The following SLFN12L variants were observed in gnomAD, a reference collection of about 807,000 sequenced individuals.
The protein encoded by SLFN12L is schlafen family member 12-like.
In SLFN12L, 34 loss-of-function variants were observed where a neutral mutation model predicts 34.8. The ratio of observed to expected loss-of-function variants is 0.98; its 90% CI spans 0.74 to 1.30. The LOEUF is 1.30. Ranked by LOEUF, SLFN12L falls within the 50% of genes most tolerant of loss-of-function variation. The pLI, the probability that SLFN12L is intolerant of heterozygous loss-of-function variation, is 0.00. For synonymous variants in SLFN12L, 259 were observed against 247.5 expected, an observed-to-expected ratio of 1.05 and a Z score of -0.44; for missense variants, 703 against 696.2, an observed-to-expected ratio of 1.01 and a Z score of -0.11.
At chr17:35,495,850 A>G (rs1385217676) in intron 2 of SLFN12L, among the ~76,000 whole-genome samples, 1 of 151,470 alleles carries the variant, frequency 6.6e-6, no homozygotes, top group Non-Finnish European at 1.5e-5. Flanking sequence ...ATGAGGGCAG[A>G]ATCTGAAGCG....
rs57141959 is a variant in SLFN12L, at chr17:35,474,691, G to T, written c.*232C>A. The T allele has an allele frequency of 6.6e-3, 2,442 of 372,318 alleles. 82 individuals carry two copies. Among genetic ancestry groups the T allele is most frequent in the African/African-American group, 0.048 (2,205 of 45,516 alleles). 23.1% of individuals were successfully genotyped at this position (372,318 alleles called of 1,614,324 possible). The stretch of plus-strand genomic sequence containing the variant: ...ACTCCTAGCACTTTGGGAGACCGGG[G>T]GGGGGGGTTGAATCACGAGGTCAGG... On this transcript the variant is annotated 3_prime_UTR_variant, in exon 5 of 5. Transcript: ENST00000628453.
At position 35,528,160 on chromosome 17, in the gene SLFN12L, T is replaced by C. The variant is rs991717972; in HGVS notation, c.-605-5191A>G. ...ACTTACAAGGGATGTGAAGGACCTC[T>C]TCAAGGAGAACTACAAACCACTGCT... On this transcript the variant is annotated intron_variant, in intron 1 of 4. Coordinates refer to ENST00000628453, the MANE Select transcript of SLFN12L (RefSeq NM_001363830.2). Among the ~76,000 whole-genome samples the C allele has an allele frequency of 2.0e-4, 31 of 152,196 alleles. 1 individual carries two copies. The highest frequency in any genetic ancestry group is 6.5e-4 in the African/African-American group (27 of 41,422).
intron 2 of SLFN12L, among the ~76,000 whole-genome samples, chr17:35,505,529 G>A (rs1336683963): frequency 1.3e-5 from 2 of 152,214 alleles, no homozygotes; most frequent in Non-Finnish European, 2.9e-5. Flanking sequence ...GATTAACCAA[G>A]TACCAAAGCT....
At chr17:35,511,584 T>TACACACACACACACACACACAC (rs58683369) in intron 2 of SLFN12L, among the ~76,000 whole-genome samples, 72 of 148,426 alleles carry the variant, frequency 4.9e-4, no homozygotes, top group African/African-American at 1.7e-3. Context: ...CACACACACA[T>TACACACACACACACACACACAC]ACACACACAC....
At chr17:35,515,113 C>A in intron 2 of SLFN12L, 1 of 627,952 alleles carries the variant, frequency 1.6e-6, no homozygotes, top group Non-Finnish European at 3.1e-6. Context: ...CAGTCTTTTG[C>A]GGTCGAAGTA....
rs1370797687 is a variant in SLFN12L at position 35,475,038 on chromosome 17, T to G, written c.1724A>C (p.Asp575Ala). The stretch of plus-strand genomic sequence containing the variant: ...GATATTTGAAAGGGCCTTTTCCAAG[T>G]CTTTCATTGTTTGAGCTGTTGTCCA... ...YYWTTAQTMK[D>A]LEKALSNILP... Residue 575 changes from aspartate to alanine, a missense_variant, in exon 5 of 5, where the codon GAC becomes GCC. Coordinates refer to ENST00000628453, the MANE Select transcript of SLFN12L (RefSeq NM_001363830.2). The G allele has an allele frequency of 6.2e-7, 1 of 1,609,194 alleles. No homozygotes were observed.
intron 4 of SLFN12L, among the ~76,000 whole-genome samples, chr17:35,475,930 T>TTA (rs893882931): frequency 4.1e-5 from 6 of 147,032 alleles, no homozygotes; most frequent in South Asian, 2.2e-4. Flanking sequence ...TATATTTTTT[T>TTA]AAATTTATAT....
intron 1 of SLFN12L, among the ~76,000 whole-genome samples, chr17:35,523,226 A>G (rs1916049921): frequency 6.6e-6 from 1 of 152,214 alleles, no homozygotes; most frequent in Non-Finnish European, 1.5e-5. Context: ...AAACAAAACT[A>G]AGAATAGCAC....
rs1431879077 is a variant in SLFN12L at position 35,468,122 on chromosome 17, G to C, written c.*6801C>G. 1.3e-5 allele frequency among the ~76,000 whole-genome samples: 2 copies of C among 152,122 alleles called. No individual in the cohort carries two copies. The highest frequency in any genetic ancestry group is 3.9e-4 in the East Asian group (2 of 5,184). On this transcript the variant is annotated 3_prime_UTR_variant, in exon 5 of 5. Transcript: ENST00000628453. ...GACAGGGTTTTACCATGTTGCCCAG[G>C]CTGGTCTTGAATGCCTGAGCTCAAG...
chr17:35,504,903 T>C (rs1915417175), intron 2 of SLFN12L, among the ~76,000 whole-genome samples: 1 of 152,230 alleles, frequency 6.6e-6, no homozygotes, highest in East Asian at 1.9e-4. Flanking sequence ...CTGTGCCCAA[T>C]AACTGGAGTG....
chr17:35,500,956 A>G (rs1915273938), intron 2 of SLFN12L, among the ~76,000 whole-genome samples: 1 of 152,170 alleles, frequency 6.6e-6, no homozygotes, highest in Non-Finnish European at 1.5e-5. Flanking sequence ...GGAATTGCTT[A>G]CTCGGGGAGC....
At chr17:35,485,569 C>G (rs998465870) in intron 2 of SLFN12L, among the ~76,000 whole-genome samples, 5 of 152,120 alleles carry the variant, frequency 3.3e-5, no homozygotes, top group Non-Finnish European at 7.4e-5. Flanking sequence ...CTTTTGAGAT[C>G]TTTATAATAA....
intron 1 of SLFN12L, among the ~76,000 whole-genome samples, chr17:35,525,921 T>C (rs2072330126): frequency 6.6e-6 from 1 of 151,992 alleles, no homozygotes; most frequent in Non-Finnish European, 1.5e-5. Flanking sequence ...GCAAATTGGA[T>C]AAAAGAGTCA....
In SLFN12L at chr17:35,472,325, G is replaced by A. The variant is rs1456941203; in HGVS notation, c.*2598C>T. On this transcript the variant is annotated 3_prime_UTR_variant, in exon 5 of 5. Coordinates refer to ENST00000628453, the MANE Select transcript of SLFN12L (RefSeq NM_001363830.2). ...AATTTTTGTATAAGGTGTAAGGAAG[G>A]GATCCAGTTTCAGTTTTCTGCATAT... Among the ~76,000 whole-genome samples the A allele has an allele frequency of 6.6e-6, 1 of 152,254 alleles. No homozygotes were observed. Among genetic ancestry groups the A allele is most frequent in the South Asian group, 2.1e-4 (1 of 4,820 alleles).
intron 2 of SLFN12L, among the ~76,000 whole-genome samples, chr17:35,521,909 A>C (rs1916007601): frequency 6.6e-6 from 1 of 151,640 alleles, no homozygotes; most frequent in South Asian, 2.1e-4. Context: ...GGTTTTCTTT[A>C]GCTAAAAAAG....
intron 2 of SLFN12L, among the ~76,000 whole-genome samples, chr17:35,485,879 T>A (rs1395361241): frequency 6.6e-6 from 1 of 152,218 alleles, no homozygotes; most frequent in Non-Finnish European, 1.5e-5. Flanking sequence ...ATCAGTACTA[T>A]GTTTTGGTTA....
chr17:35,489,503 G>C (rs1443805937), intron 2 of SLFN12L, among the ~76,000 whole-genome samples: 1 of 151,760 alleles, frequency 6.6e-6, no homozygotes, highest in African/African-American at 2.4e-5. Context: ...GCAGTGAGCC[G>C]TGATCAGGCT....
At chr17:35,536,808 CAAA>C (rs567836499) in intron 1 of SLFN12L, among the ~76,000 whole-genome samples, 1 of 128,504 alleles carries the variant, frequency 7.8e-6, no homozygotes, top group Non-Finnish European at 1.7e-5. Context: ...GAGCCTGTCT[CAAA>C]AAAAAAAAAA....
chr17:35,498,181 G>GAAGCATCT, intron 2 of SLFN12L: 1 of 682,858 alleles, frequency 1.5e-6, no homozygotes, highest in Non-Finnish European at 2.7e-6. Context: ...GGAGGCGGCG[G>GAAGCATCT]CGTGGGGAGC....
Sources: gnomAD v4.1 joint callset for allele counts (sites outside exome capture counted in the v4.1 genomes callset) on GRCh38, gnomAD v4.1.1 for gene constraint, MANE v1.5 for transcripts, NCBI Gene and HGNC (gene_info 2026-07-23, HGNC 2026-07-21) for gene names.